Variants in DNAH8 observed in about 807,000 individuals in gnomAD.
DNAH8 encodes dynein axonemal heavy chain 8.
Under a neutral mutation model 562.1 loss-of-function variants are expected in DNAH8, and 382 were observed. That is an observed-to-expected ratio of 0.68 (90% CI 0.63 to 0.74). The LOEUF is 0.74. Among genes scored for constraint, DNAH8 ranks in the 30% least tolerant of loss-of-function variants. The probability of loss-of-function intolerance (pLI) is 0.00; values close to 1 mark genes in which losing one functional copy is unlikely to be tolerated. For synonymous variants in DNAH8, 1,881 were observed against 1,919.4 expected, an observed-to-expected ratio of 0.98 and a Z score of 0.52; for missense variants, 5,203 against 5,620.4, an observed-to-expected ratio of 0.93 and a Z score of 2.37.
intron 56 of DNAH8, among the ~76,000 whole-genome samples, chr6:38,885,147 A>G (rs763472752): frequency 2.0e-5 from 3 of 152,206 alleles, no homozygotes; most frequent in Non-Finnish European, 4.4e-5. Flanking sequence ...GATCAGGTTC[A>G]TGCTTATCTT....
chr6:38,914,873 G>T (rs1389748077), intron 67 of DNAH8, among the ~76,000 whole-genome samples: 12 of 151,980 alleles, frequency 7.9e-5, no homozygotes, highest in Admixed American at 7.9e-4. Context: ...GCTTAAAATG[G>T]TTTTTTGCCC....
intron 24 of DNAH8, among the ~76,000 whole-genome samples, chr6:38,809,198 CA>C (rs1299672250): frequency 1.3e-5 from 2 of 151,728 alleles, no homozygotes; most frequent in African/African-American, 2.4e-5. Flanking sequence ...GATAATATAA[CA>C]AATGTCTTTT....
Position 38,791,555 on chromosome 6 carries a change from A to T in DNAH8, c.2782A>T (p.Ile928Phe). 6.2e-7 allele frequency: 1 copy of T among 1,606,918 alleles called. No homozygotes were observed. The highest frequency in any genetic ancestry group is 8.5e-7 in the Non-Finnish European group (1 of 1,178,348). The stretch of plus-strand genomic sequence containing the variant: ...TTTCTTACATTTTTCTTCCTTGTAG[A>T]TCAGTGACTTGTGTGAAATGCATAT... ...LDMFNQLLKKISDLCEMHIDT... is the reference protein window; with the variant it reads ...LDMFNQLLKKFSDLCEMHIDT... The change falls in exon 21 of 93, where the codon ATC becomes TTC. Residue 928 changes from isoleucine to phenylalanine, a missense_variant and splice_region_variant. Coordinates refer to ENST00000327475, the MANE Select transcript of DNAH8 (RefSeq NM_001206927.2).
At chr6:38,721,124 C>A (rs1762714800) in intron 1 of DNAH8, among the ~76,000 whole-genome samples, 1 of 152,040 alleles carries the variant, frequency 6.6e-6, no homozygotes. Flanking sequence ...CCAGTCTGAG[C>A]AACAGAGTGA....
At chr6:38,723,637 G>A (rs1218697503) in intron 3 of DNAH8, among the ~76,000 whole-genome samples, 166 bp downstream of exon 3, 1 of 152,208 alleles carries the variant, frequency 6.6e-6, no homozygotes, top group Non-Finnish European at 1.5e-5. Context: ...CACTTTGGGA[G>A]GCTGAGGTTT....
chr6:38,946,678 C>T (rs530408652), intron 80 of DNAH8, among the ~76,000 whole-genome samples: 90 of 152,102 alleles, frequency 5.9e-4, no homozygotes, highest in Middle Eastern at 3.4e-3. Flanking sequence ...GGTGTGGTGG[C>T]GGGTGCCTGT....
At chr6:38,778,520 A>G in intron 14 of DNAH8, 56 bp downstream of exon 14, 1 of 1,050,044 alleles carries the variant, frequency 9.5e-7, no homozygotes, top group African/African-American at 1.6e-5. Context: ...TTAAATCTAA[A>G]AATACAATTT....
At chr6:38,961,962 TAATAGTC>T (rs1473362986) in intron 82 of DNAH8, among the ~76,000 whole-genome samples, 1 of 151,954 alleles carries the variant, frequency 6.6e-6, no homozygotes, top group Non-Finnish European at 1.5e-5. Flanking sequence ...CTATTAGACT[TAATAGTC>T]TAATAGTTCA....
At chr6:38,873,560 C>G (rs1052267146) in intron 52 of DNAH8, among the ~76,000 whole-genome samples, 184 bp downstream of exon 52, 3 of 151,936 alleles carry the variant, frequency 2.0e-5, no homozygotes, top group African/African-American at 7.3e-5. Context: ...ACTGTTTTCT[C>G]TATTATTTTC....
intron 10 of DNAH8, among the ~76,000 whole-genome samples, chr6:38,756,664 T>TC (rs940349743): frequency 1.9e-4 from 24 of 129,712 alleles, no homozygotes; most frequent in South Asian, 1.2e-3. Flanking sequence ...ATGCTATCCC[T>TC]CCCCCCTCCC....
intron 85 of DNAH8, 96 bp downstream of exon 85, chr6:38,974,625 C>A: frequency 1.1e-6 from 1 of 909,816 alleles, no homozygotes; most frequent in Non-Finnish European, 1.7e-6. Context: ...TCCGTTGCCG[C>A]TCTGTCTCCT....
chr6:38,915,225 G>A lies in DNAH8; in HGVS notation c.9988G>A (p.Ala3330Thr), dbSNP rs200806673. Residue 3330 changes from alanine to threonine, a missense_variant, in exon 68 of 93, where the codon GCT becomes ACT. This residue lies in a region of DNAH8 where 87 missense variants were observed against 144.9 expected (regional missense o/e 0.60). Coordinates refer to ENST00000327475, the MANE Select transcript of DNAH8 (RefSeq NM_001206927.2). ...GGTATTAGCAGAAGTCACAGTAAGC[G>A]CTCAGGCTTCAGCCAAAATTAAAAA... ...DEVLAEVTVS[A>T]QASAKIKNEV... 44 of 1,605,126 alleles carry A rather than the reference G, an allele frequency of 2.7e-5. No homozygotes were observed. The highest frequency in any genetic ancestry group is 6.8e-5 in the East Asian group (3 of 44,304).
chr6:38,898,158 A>G (rs1779826127), intron 60 of DNAH8, 100 bp from the exon 61 acceptor site: 9 of 1,038,654 alleles, frequency 8.7e-6, no homozygotes, highest in Non-Finnish European at 1.2e-5. Flanking sequence ...AAAAAAAGAT[A>G]TGTATATTTT....
Position 38,915,260 on chromosome 6 carries a change from G to C in DNAH8, c.10023G>C (p.Gln3341His). 1 of 1,611,148 alleles carries C rather than the reference G, an allele frequency of 6.2e-7. No individual in the cohort carries two copies. Among genetic ancestry groups the C allele is most frequent in the Non-Finnish European group, 8.5e-7 (1 of 1,178,990 alleles). Residue 3341 changes from glutamine (Q) to histidine (H), a missense_variant, in exon 68 of 93, where the codon CAG becomes CAC. Transcript: ENST00000327475. ...QASAKIKNEV[Q>H]EVKDKAQKIV... The stretch of plus-strand genomic sequence containing the variant: ...CAGCCAAAATTAAAAATGAAGTACA[G>C]GAGGTAAAGGACAAAGCCCAAAAAA...
rs1425362503 is a variant in DNAH8 at position 38,852,718 on chromosome 6, A to G, written c.5491A>G (p.Asn1831Asp). The G allele has an allele frequency of 2.5e-6, 4 of 1,613,810 alleles. No homozygotes were observed. The highest frequency in any genetic ancestry group is 3.4e-6 in the Non-Finnish European group (4 of 1,179,794). The change falls in exon 40 of 93, where the codon AAC (asparagine) becomes GAC (aspartate). Residue 1831 changes from asparagine to aspartate, a missense_variant. Asn to Asp is a conservative substitution (Grantham distance 23). Around this residue, in one of 6 missense-constraint regions of DNAH8, gnomAD observed 2,176 missense variants for 2,365.1 expected, o/e 0.92. Coordinates refer to ENST00000327475, the MANE Select transcript of DNAH8 (RefSeq NM_001206927.2). The stretch of plus-strand genomic sequence containing the variant: ...GCCGCATCTCCCTGCAGTATCTGAC[A>G]ACATCAATGAGGTGACATTTCATGC... ...IQPHLPAVSD[N>D]INEVTFHAKD...
intron 80 of DNAH8, among the ~76,000 whole-genome samples, chr6:38,946,724 C>T (rs896923641): frequency 5.3e-5 from 8 of 151,968 alleles, no homozygotes; most frequent in Admixed American, 2.6e-4. Flanking sequence ...GCAGGAGAAT[C>T]GCTTAAAACT....
At position 38,729,341 on chromosome 6, in the gene DNAH8, C is replaced by T. The variant is rs74697933; in HGVS notation, c.526-561C>T. On this transcript the variant is annotated intron_variant, in intron 3 of 92. Coordinates refer to ENST00000327475, the MANE Select transcript of DNAH8 (RefSeq NM_001206927.2). Reference sequence around the variant, plus strand: ...TTCCCATAGGATATTTCAGGGCTTTCGTTTATGTTATCTATTTAGTTTTCT... The same window carrying T: ...TTCCCATAGGATATTTCAGGGCTTTTGTTTATGTTATCTATTTAGTTTTCT... Among the ~76,000 whole-genome samples, 1,407 of 152,202 alleles carry T rather than the reference C, an allele frequency of 9.2e-3. 23 individuals carry two copies. Among genetic ancestry groups the T allele is most frequent in the African/African-American group, 0.031 (1,299 of 41,538 alleles).
In DNAH8 at chr6:38,996,363, A is replaced by G. The variant is rs553971034; in HGVS notation, c.13214+6191A>G. Among the ~76,000 whole-genome samples, 8 of 152,262 alleles carry G rather than the reference A, an allele frequency of 5.3e-5. 2 individuals carry two copies. In the South Asian group the frequency reaches 1.7e-3, roughly 32 times the overall value. ...GGCCTTTAAAACATCAATATGCCAC[A>G]TATATGTTGTCTAGACCTTTCCTCT... On this transcript the variant is annotated intron_variant, in intron 88 of 92. Transcript: ENST00000327475.
At chr6:38,832,234 G>A (rs890636507) in intron 30 of DNAH8, 88 bp from the exon 31 acceptor site, 16 of 764,516 alleles carry the variant, frequency 2.1e-5, no homozygotes, top group Admixed American at 9.2e-5. Context: ...TAGGATATCT[G>A]TGAGATACAC....
Sources: gnomAD v4.1 joint callset for allele counts (sites outside exome capture counted in the v4.1 genomes callset) on GRCh38, gnomAD v4.1.1 for gene constraint, gnomAD v4.1.1 regional missense constraint, MANE v1.5 for transcripts, NCBI Gene and HGNC (gene_info 2026-07-23, HGNC 2026-07-21) for gene names.